Variants in PCDH15 observed in about 807,000 individuals in gnomAD.
PCDH15 encodes the protein protocadherin-15.
A neutral mutation model predicts 178.5 loss-of-function variants in PCDH15; 129 were observed. The ratio of observed to expected loss-of-function variants is 0.72; its 90% confidence interval spans 0.63 to 0.84. The LOEUF is 0.84. Among genes scored for constraint, PCDH15 ranks in the 40% least tolerant of loss-of-function variants. The pLI is 0.00. For synonymous variants in PCDH15, 800 were observed against 732.0 expected (o/e 1.09, Z -1.50); for missense variants, 2,230 against 2,099.9 (o/e 1.06, Z -1.21).
At chr10:54,718,684 C>CTTTTTTTT (rs71461255) in intron 1 of PCDH15, among the ~76,000 whole-genome samples, 24 of 111,504 alleles carry the variant, frequency 2.2e-4, no homozygotes, top group Non-Finnish European at 3.0e-4. Context: ...CACACTGATT[C>CTTTTTTTT]TTTTTTTTTT....
At chr10:54,677,477 G>A (rs866509049) in intron 1 of PCDH15, among the ~76,000 whole-genome samples, 11 of 152,082 alleles carry the variant, frequency 7.2e-5, no homozygotes, top group Admixed American at 4.6e-4. Context: ...GTGCATGGCA[G>A]TGTGTGTGTG....
At chr10:54,160,500 A>C (rs1203740129) in intron 13 of PCDH15, among the ~76,000 whole-genome samples, 3 of 152,164 alleles carry the variant, frequency 2.0e-5, no homozygotes, top group Non-Finnish European at 4.4e-5. Flanking sequence ...ATCTTTGTGA[A>C]TTTGGTTGGC....
chr10:54,865,229 A>C (rs1477364597), intron 3 of PCDH15, among the ~76,000 whole-genome samples: 1 of 152,174 alleles, frequency 6.6e-6, no homozygotes, highest in Admixed American at 6.6e-5. Flanking sequence ...GCTAGAACAA[A>C]GCAGGCAGAA....
chr10:54,607,741 C>T lies in PCDH15; in HGVS notation c.91+56431G>A, dbSNP rs118034824. 2,518 of 318,170 alleles carry T rather than the reference C, an allele frequency of 7.9e-3. 67 individuals carry two copies. In the East Asian group the frequency reaches 0.09, roughly 11 times the overall value. The allele number at this position is 318,170 out of a possible 1,614,324, so 19.7% of individuals were successfully genotyped here. A position where few individuals can be genotyped will look rare whatever the true frequency, so the allele number is the denominator to read the frequency against. Reference sequence around the variant, plus strand: ...ATTTATTAGAAAAAATATTAGATTGCTCAATAAATCAATGGTAACTTTAAG... The same window carrying T: ...ATTTATTAGAAAAAATATTAGATTGTTCAATAAATCAATGGTAACTTTAAG... On this transcript the variant is annotated intron_variant, in intron 2 of 37. Coordinates refer to ENST00000644397, the MANE Select transcript of PCDH15 (RefSeq NM_001384140.1).
In PCDH15 at chr10:53,808,740, T is replaced by C. The variant is rs534651170; in HGVS notation, c.4672-1610A>G. ...CAGAGTTTGCTCCTGGCGACTTCTT[T>C]TGGTTTGCATTCTTGCTTCTGTCAT... On this transcript the variant is annotated intron_variant, in intron 37 of 37. Coordinates refer to ENST00000644397, the MANE Select transcript of PCDH15 (RefSeq NM_001384140.1). 48 of 1,613,100 alleles carry C rather than the reference T, an allele frequency of 3.0e-5. No homozygotes were observed. In the South Asian group the frequency reaches 5.3e-4, roughly 18 times the overall value.
chr10:55,377,123 C>T (rs1441349216), intron 2 of PCDH15, among the ~76,000 whole-genome samples: 1 of 141,444 alleles, frequency 7.1e-6, no homozygotes, highest in Non-Finnish European at 1.5e-5. Context: ...TGGCTATTAA[C>T]TTTGTGATAA....
intron 2 of PCDH15, among the ~76,000 whole-genome samples, chr10:55,475,364 T>A (rs1056383233): frequency 7.9e-5 from 12 of 152,176 alleles, no homozygotes; most frequent in Non-Finnish European, 1.3e-4. Flanking sequence ...CTAACTGTTA[T>A]TATTTATCAA....
intron 3 of PCDH15, among the ~76,000 whole-genome samples, chr10:54,502,722 C>A (rs1428533860): frequency 6.6e-6 from 1 of 151,946 alleles, no homozygotes; most frequent in Non-Finnish European, 1.5e-5. Flanking sequence ...AATAAAAGTA[C>A]AACAATGAGG....
At chr10:55,288,351 T>C (rs962396450) in intron 1 of PCDH15, among the ~76,000 whole-genome samples, 8 of 151,390 alleles carry the variant, frequency 5.3e-5, no homozygotes, top group African/African-American at 1.9e-4. Flanking sequence ...CTAAGCAAAG[T>C]AAATAAAACT....
chr10:54,798,770 C>T (rs1952327512), intron 1 of PCDH15, among the ~76,000 whole-genome samples: 1 of 152,036 alleles, frequency 6.6e-6, no homozygotes, highest in South Asian at 2.1e-4. Context: ...ATGTATTTCT[C>T]CCAGCATTAG....
At chr10:55,102,656 C>A (rs954596043) in intron 2 of PCDH15, among the ~76,000 whole-genome samples, 1 of 152,048 alleles carries the variant, frequency 6.6e-6, no homozygotes, top group Non-Finnish European at 1.5e-5. Context: ...GGAGAAATTA[C>A]AGTTGACACT....
Position 54,992,733 on chromosome 10 carries a change from C to T in PCDH15, c.-79-95233G>A, listed in dbSNP as rs548634009. Among the ~76,000 whole-genome samples the T allele has an allele frequency of 6.2e-5, 9 of 144,932 alleles. No homozygotes were observed. In the South Asian group the frequency reaches 8.9e-4, roughly 14 times the overall value. ...TCAGGCCACTGCACTCCAGCCTGGG[C>T]GACAGAGTGATCCTCCATCTCAAGA... is the stretch of plus-strand genomic sequence containing the variant. On this transcript the variant is annotated intron_variant, in intron 2 of 5. Coordinates refer to the PCDH15 transcript ENST00000458638.
intron 8 of PCDH15, among the ~76,000 whole-genome samples, chr10:54,258,511 C>T (rs1442067863): frequency 6.6e-6 from 1 of 152,072 alleles, no homozygotes; most frequent in East Asian, 1.9e-4. Flanking sequence ...TGCTAGAGGA[C>T]AGGCAGAATC....
chr10:53,972,818 C>G (rs1024544089), intron 21 of PCDH15, among the ~76,000 whole-genome samples: 5 of 152,048 alleles, frequency 3.3e-5, no homozygotes, highest in Non-Finnish European at 5.9e-5. Context: ...TGTGGAGAAA[C>G]AGGAACACTT....
At chr10:55,115,553 G>A (rs1314431161) in intron 2 of PCDH15, among the ~76,000 whole-genome samples, 1 of 152,142 alleles carries the variant, frequency 6.6e-6, no homozygotes, top group Non-Finnish European at 1.5e-5. Context: ...TACTTAATTG[G>A]TTGTATAACC....
chr10:55,149,127 T>TA lies in PCDH15; in HGVS notation c.-80+17448dup, dbSNP rs1235365799. 1.1e-4 allele frequency among the ~76,000 whole-genome samples: 16 copies of TA among 151,446 alleles called. No individual in the cohort carries two copies. In the East Asian group the frequency reaches 3.1e-3, roughly 29 times the overall value. ...TGGTTAAAAAATAAGCAATATTGCT[T>TA]AAACACATTTCAATATGTCTATCTA... is the stretch of plus-strand genomic sequence containing the variant. On this transcript the variant is annotated intron_variant, in intron 2 of 5. Coordinates refer to the PCDH15 transcript ENST00000458638.
chr10:55,344,842 G>C lies in PCDH15; in HGVS notation c.-155-178191C>G, dbSNP rs1479333341. On this transcript the variant is annotated intron_variant, in intron 2 of 5. Transcript: ENST00000613346. ...ATCAAGGGAATTCATATGCACTAAA[G>C]AAAAAAGGTCCAAGGATTGCACTCT... Among the ~76,000 whole-genome samples the C allele has an allele frequency of 3.9e-5, 6 of 152,136 alleles. No homozygotes were observed. The East Asian group carries it at 1.2e-3, about 29-fold the overall frequency.
chr10:54,839,342 A>T (rs1279171087), intron 3 of PCDH15, among the ~76,000 whole-genome samples: 1 of 152,106 alleles, frequency 6.6e-6, no homozygotes, highest in Non-Finnish European at 1.5e-5. Context: ...TCAAATAGAA[A>T]TCTTGAATAT....
intron 7 of PCDH15, among the ~76,000 whole-genome samples, chr10:54,322,085 A>AAACAAAAAC (rs1230231419): frequency 6.6e-6 from 1 of 152,012 alleles, no homozygotes; most frequent in East Asian, 1.9e-4. Flanking sequence ...ATAAAAATCA[A>AAACAAAAAC]AACAAAAACA....
Sources: allele counts gnomAD v4.1 joint callset (sites outside exome capture counted in the v4.1 genomes callset), GRCh38; gene constraint gnomAD v4.1.1; transcripts MANE v1.5; gene names NCBI Gene and HGNC (gene_info 2026-07-23, HGNC 2026-07-21).